The following NAALADL2 variants were observed in gnomAD, a reference collection of about 807,000 sequenced individuals.
NAALADL2 encodes N-acetylated alpha-linked acidic dipeptidase like 2.
In NAALADL2, 76 loss-of-function variants were observed where a neutral mutation model predicts 87.2. The ratio of observed to expected loss-of-function variants is 0.87; its 90% CI spans 0.72 to 1.05. The LOEUF (loss-of-function observed/expected upper bound fraction) is 1.05, where lower values mean the gene tolerates loss of function less well. NAALADL2 is among the 50% of genes least tolerant of loss of function. The pLI is 0.00. For synonymous variants in NAALADL2, 354 were observed against 331.0 expected, an observed-to-expected ratio of 1.07 and a Z score of -0.75; for missense variants, 1,089 against 945.8, an observed-to-expected ratio of 1.15 and a Z score of -1.99.
At position 174,629,225 on chromosome 3, in the gene NAALADL2, A is replaced by G. The variant is rs78621232; in HGVS notation, c.-115+78588A>G. On this transcript the variant is annotated intron_variant, in intron 2 of 3. Coordinates refer to the NAALADL2 transcript ENST00000434257. ...TTGTGTAGAAAGAAATACTAGAAAC[A>G]TAGAAGAGTTGTTTTTAGGGTCCTA... is the stretch of plus-strand genomic sequence containing the variant. Among the ~76,000 whole-genome samples, 1,144 of 152,286 alleles carry G rather than the reference A, an allele frequency of 7.5e-3. 17 individuals carry two copies. Among genetic ancestry groups the G allele is most frequent in the African/African-American group, 0.026 (1,095 of 41,566 alleles).
At chr3:175,157,081 G>A (rs1002706641) in intron 2 of NAALADL2, among the ~76,000 whole-genome samples, 1 of 151,490 alleles carries the variant, frequency 6.6e-6, no homozygotes, top group Non-Finnish European at 1.5e-5. Flanking sequence ...CTTTTAGAAA[G>A]TTTGGAAAAT....
At chr3:174,727,749 C>T (rs1732338610) in intron 2 of NAALADL2, among the ~76,000 whole-genome samples, 1 of 151,992 alleles carries the variant, frequency 6.6e-6, no homozygotes, top group African/African-American at 2.4e-5. Context: ...CCATAGCCTG[C>T]ATTTGGGTTC....
rs71164618 is a variant in NAALADL2 at position 175,160,360 on chromosome 3, C to CTTTTTTTTTTTTTT, written c.545+63084_545+63097dup. 6.5e-4 allele frequency among the ~76,000 whole-genome samples: 37 copies of CTTTTTTTTTTTTTT among 57,038 alleles called. 3 individuals are homozygous for CTTTTTTTTTTTTTT. The highest frequency in any genetic ancestry group is 9.7e-4 in the African/African-American group (18 of 18,604). The allele number at this position is 57,038 out of a possible 152,430, so 37.4% of individuals were successfully genotyped here. On this transcript the variant is annotated intron_variant, in intron 2 of 13. Transcript: ENST00000454872. ...TATATTATATGTGTATCTTTTCTTT[C>CTTTTTTTTTTTTTT]TTTTTTTTTTTTTTTTTTTTTTTTT... is the stretch of plus-strand genomic sequence containing the variant.
At chr3:175,631,824 C>A (rs9681019) in intron 11 of NAALADL2, among the ~76,000 whole-genome samples, 6,779 of 151,966 alleles carry the variant, frequency 0.045, 189 homozygotes, top group East Asian at 0.11. Context: ...TCTCCTTCCA[C>A]ACCTAGGAAT....
At chr3:175,546,198 A>G (rs1713282588) in intron 9 of NAALADL2, among the ~76,000 whole-genome samples, 1 of 152,104 alleles carries the variant, frequency 6.6e-6, no homozygotes, top group South Asian at 2.1e-4. Flanking sequence ...TTTGTCAGAA[A>G]CTAGGATTTT....
chr3:175,169,472 T>TATATATATATAA (rs1222830204), intron 2 of NAALADL2, among the ~76,000 whole-genome samples: 1 of 150,898 alleles, frequency 6.6e-6, no homozygotes, highest in Non-Finnish European at 1.5e-5. Context: ...TATATATATA[T>TATATATATATAA]AATCTGTTGA....
intron 2 of NAALADL2, among the ~76,000 whole-genome samples, chr3:174,680,046 T>C (rs1224277409): frequency 6.6e-6 from 1 of 152,086 alleles, no homozygotes; most frequent in African/African-American, 2.4e-5. Context: ...AAATGTGTTT[T>C]TTATTTTTGA....
intron 10 of NAALADL2, among the ~76,000 whole-genome samples, chr3:175,607,508 T>C (rs1213084705): frequency 6.6e-6 from 1 of 151,596 alleles, no homozygotes; most frequent in East Asian, 1.9e-4. Context: ...ATCTCTATTT[T>C]ATGGGCAAAG....
At chr3:175,513,299 A>G (rs1731405800) in intron 9 of NAALADL2, among the ~76,000 whole-genome samples, 1 of 152,214 alleles carries the variant, frequency 6.6e-6, no homozygotes, top group Non-Finnish European at 1.5e-5. Context: ...TGTGGATTTT[A>G]AAGTTTAAAT....
At chr3:175,302,036 G>A (rs187210010) in intron 4 of NAALADL2, among the ~76,000 whole-genome samples, 4 of 146,998 alleles carry the variant, frequency 2.7e-5, no homozygotes, top group African/African-American at 1.0e-4. Flanking sequence ...TGATCATGGT[G>A]ATGCAGAAAG....
chr3:175,067,984 G>C (rs977823088), intron 1 of NAALADL2, among the ~76,000 whole-genome samples: 3 of 152,050 alleles, frequency 2.0e-5, no homozygotes, highest in African/African-American at 7.2e-5. Flanking sequence ...AATTAATGTA[G>C]GAATAGAAAA....
At chr3:174,731,975 C>A (rs916052296) in intron 2 of NAALADL2, among the ~76,000 whole-genome samples, 4 of 152,006 alleles carry the variant, frequency 2.6e-5, no homozygotes, top group Non-Finnish European at 5.9e-5. Flanking sequence ...GGAAAGCCAC[C>A]ATAAACAATA....
chr3:175,047,649 A>G (rs1195247443), intron 1 of NAALADL2, among the ~76,000 whole-genome samples: 1 of 152,146 alleles, frequency 6.6e-6, no homozygotes, highest in African/African-American at 2.4e-5. Flanking sequence ...AGTGTCTCAG[A>G]CGGTTTTAGA....
intron 1 of NAALADL2, among the ~76,000 whole-genome samples, chr3:174,929,213 G>A (rs1736514002): frequency 6.6e-6 from 1 of 152,150 alleles, no homozygotes; most frequent in Admixed American, 6.5e-5. Flanking sequence ...AGGAGAGCGG[G>A]GCTCTGTGTT....
chr3:175,257,780 A>G (rs1750264196), intron 4 of NAALADL2, among the ~76,000 whole-genome samples: 1 of 152,222 alleles, frequency 6.6e-6, no homozygotes, highest in Non-Finnish European at 1.5e-5. Flanking sequence ...AAATCAAAAA[A>G]AAGATCAAGA....
At chr3:175,364,270 C>CT (rs1203222033) in intron 5 of NAALADL2, among the ~76,000 whole-genome samples, 1 of 147,772 alleles carries the variant, frequency 6.8e-6, no homozygotes. Context: ...GAAAATATGT[C>CT]TTTTTCCTCT....
intron 2 of NAALADL2, among the ~76,000 whole-genome samples, chr3:175,158,446 C>T (rs1278235719): frequency 6.6e-6 from 1 of 152,046 alleles, no homozygotes; most frequent in Non-Finnish European, 1.5e-5. Context: ...GTGCATTTTT[C>T]AGGTAAAGAG....
chr3:175,730,413 T>G (rs1306328201), intron 11 of NAALADL2, among the ~76,000 whole-genome samples: 1 of 95,168 alleles, frequency 1.1e-5, no homozygotes, highest in East Asian at 2.7e-4. Context: ...TATATATATA[T>G]ATATATATAT....
chr3:174,650,938 C>G (rs1268482720), intron 2 of NAALADL2, among the ~76,000 whole-genome samples: 1 of 151,906 alleles, frequency 6.6e-6, no homozygotes, highest in Non-Finnish European at 1.5e-5. Flanking sequence ...TTATCTTTTC[C>G]TTATGCATTT....
Sources: gnomAD v4.1 joint callset for allele counts (sites outside exome capture counted in the v4.1 genomes callset) on GRCh38, gnomAD v4.1.1 for gene constraint, MANE v1.5 for transcripts, NCBI Gene and HGNC (gene_info 2026-07-23, HGNC 2026-07-21) for gene names.